The following MMD variants were observed in gnomAD, a reference collection of about 807,000 sequenced individuals.
MMD encodes the protein monocyte to macrophage differentiation factor.
Under a neutral mutation model 33.6 loss-of-function variants are expected in MMD, and 22 were observed. That is an observed-to-expected ratio of 0.66 (90% confidence interval 0.47 to 0.94). The LOEUF (loss-of-function observed/expected upper bound fraction) is 0.94, where lower values mean the gene tolerates loss of function less well. MMD is among the 40% of genes least tolerant of loss of function. The pLI is 0.00. For missense variants in MMD, 242 were observed against 309.8 expected (o/e 0.78, Z 1.64); for synonymous variants, 97 against 103.2 (o/e 0.94, Z 0.36).
chr17:55,399,859 T>A (rs1907258303), intron 6 of MMD, among the ~76,000 whole-genome samples: 1 of 152,216 alleles, frequency 6.6e-6, no homozygotes, highest in East Asian at 1.9e-4. Context: ...CTTATGGAAA[T>A]GTCAATTTCA....
intron 4 of MMD, among the ~76,000 whole-genome samples, chr17:55,405,001 G>A (rs574515880): frequency 1.3e-5 from 2 of 152,122 alleles, no homozygotes; most frequent in African/African-American, 2.4e-5. Flanking sequence ...GGTAGAGGTT[G>A]CAGTGAGCTG....
chr17:55,411,531 C>G (rs1231228628), intron 2 of MMD, 114 bp from the exon 3 acceptor site: 1 of 1,242,384 alleles, frequency 8.0e-7, no homozygotes, highest in African/African-American at 1.5e-5. Context: ...AATCTTAGAG[C>G]AAGTATTTGT....
At chr17:55,404,913 T>A (rs1485931131) in intron 4 of MMD, 2 of 217,312 alleles carry the variant, frequency 9.2e-6, no homozygotes, top group Non-Finnish European at 1.6e-5. Context: ...AATACAAAAG[T>A]TAGCTGGGCA....
chr17:55,411,540 G>T, intron 2 of MMD, 123 bp from the exon 3 acceptor site: 3 of 1,177,200 alleles, frequency 2.5e-6, no homozygotes, highest in Non-Finnish European at 3.5e-6. Context: ...GCAAGTATTT[G>T]TCTCTCCTGG....
At chr17:55,407,865 A>G in intron 3 of MMD, 45 bp from the exon 4 acceptor site, 1 of 1,406,314 alleles carries the variant, frequency 7.1e-7, no homozygotes, top group Non-Finnish European at 9.7e-7. Context: ...AAGTGTTCAG[A>G]TGGGAAGTAC....
intron 1 of MMD, among the ~76,000 whole-genome samples, chr17:55,417,448 A>G (rs1294461703): frequency 6.6e-6 from 1 of 151,888 alleles, no homozygotes; most frequent in East Asian, 1.9e-4. Context: ...TTCCTGCTTG[A>G]CCCAGTACAG....
Position 55,394,497 on chromosome 17 carries a change from C to G in MMD, c.554G>C (p.Gly185Ala). The G allele has an allele frequency of 6.5e-7, 1 of 1,528,244 alleles. No homozygotes were observed. The highest frequency in any genetic ancestry group is 8.8e-7 in the Non-Finnish European group (1 of 1,142,158). The allele number at this position is 1,528,244 out of a possible 1,614,324, so 94.7% of individuals were successfully genotyped here. A position where few individuals can be genotyped will look rare whatever the true frequency, so the allele number is the denominator to read the frequency against. ...CACAACTCCCAAGCAATAAATTAAG[C>G]CCCCACAGGCAAGTTCCTGAAGTCC... Reference protein sequence around the residue: ...TDGLQELACGGLIYCLGVVFF... With the variant: ...TDGLQELACGALIYCLGVVFF... Residue 185 changes from glycine (G) to alanine (A), a missense_variant, in exon 7 of 7, where the codon GGC becomes GCC. By Grantham distance (60) the Gly-to-Ala change is moderately conservative. Transcript: ENST00000262065.
chr17:55,415,237 A>G (rs1444963669), intron 1 of MMD, among the ~76,000 whole-genome samples: 1 of 152,098 alleles, frequency 6.6e-6, no homozygotes, highest in Non-Finnish European at 1.5e-5. Flanking sequence ...CTGTCTGAAT[A>G]AAAGAAGAAA....
intron 1 of MMD, among the ~76,000 whole-genome samples, chr17:55,414,833 C>T (rs1037974997): frequency 9.2e-5 from 14 of 152,284 alleles, no homozygotes; most frequent in African/African-American, 3.4e-4. Flanking sequence ...CTCTAGGCAA[C>T]TTAAAACCGG....
Position 55,401,521 on chromosome 17 carries a change from A to C in MMD, c.464T>G (p.Leu155Arg), listed in dbSNP as rs766241995. The C allele has an allele frequency of 6.2e-7, 1 of 1,612,418 alleles. No individual in the cohort carries two copies. Among genetic ancestry groups the C allele is most frequent in the Non-Finnish European group, 8.5e-7 (1 of 1,179,316 alleles). ...LYHEKYKVVE[L>R]FFYLTMGFSP... is the part of the protein sequence containing the mutation. ...GAATCCCATTGTGAGATAGAAAAAG[A>C]GTTCAACCACCTTATATCTGCAGGA... Residue 155 changes from leucine (L) to arginine (R), a missense_variant, in exon 6 of 7, where the codon CTC becomes CGC. Coordinates refer to ENST00000262065, the MANE Select transcript of MMD (RefSeq NM_012329.3).
At chr17:55,406,263 C>A (rs113594848) in intron 4 of MMD, among the ~76,000 whole-genome samples, 8,065 of 152,170 alleles carry the variant, frequency 0.053, 269 homozygotes, top group South Asian at 0.13. Context: ...GGCATGGTGG[C>A]ACATGCCTGT....
intron 5 of MMD, among the ~76,000 whole-genome samples, chr17:55,403,516 G>C (rs1907426107): frequency 6.6e-6 from 1 of 152,060 alleles, no homozygotes; most frequent in Non-Finnish European, 1.5e-5. Context: ...AAGTCTGATG[G>C]ACTCCAAAGG....
intron 4 of MMD, among the ~76,000 whole-genome samples, chr17:55,404,248 G>A (rs1055351838): frequency 3.3e-5 from 5 of 152,040 alleles, no homozygotes; most frequent in Admixed American, 6.6e-5. Flanking sequence ...CAAGTTGCTC[G>A]GGAGGCTGAG....
rs148486266 is a variant in MMD at position 55,408,056 on chromosome 17, T to C, written c.270-236A>G. On this transcript the variant is annotated intron_variant, in intron 3 of 6. Coordinates refer to ENST00000262065, the MANE Select transcript of MMD (RefSeq NM_012329.3). ...AGATTCTCTCAGCATATATAAGACATAGGGACAGGGCCCCATGATAGTTAG... is the reference window on the plus strand; with the variant it reads ...AGATTCTCTCAGCATATATAAGACACAGGGACAGGGCCCCATGATAGTTAG... 1.2e-4 allele frequency among the ~76,000 whole-genome samples: 19 copies of C among 152,318 alleles called. No homozygotes were observed. In the East Asian group the frequency reaches 3.5e-3, roughly 28 times the overall value.
At chr17:55,410,420 T>A (rs906618865) in intron 3 of MMD, among the ~76,000 whole-genome samples, 2 of 152,248 alleles carry the variant, frequency 1.3e-5, no homozygotes, top group African/African-American at 4.8e-5. Context: ...ACTTCCTTTT[T>A]TGAAAAGAAG....
In MMD at chr17:55,407,893, T is replaced by C. The variant is rs190209161; in HGVS notation, c.270-73A>G. The C allele has an allele frequency of 3.6e-5, 38 of 1,044,774 alleles. No homozygotes were observed. The African/African-American group carries it at 5.6e-4, about 15-fold the overall frequency. 64.7% of individuals were successfully genotyped at this position (1,044,774 alleles called of 1,614,324 possible). A position where few individuals can be genotyped will look rare whatever the true frequency, so the allele number is the denominator to read the frequency against. ...GGAAGTACGGGTTATCACTCCACTATGTTGCAATTTCCATTCTTGTTCTAG... is the reference window on the plus strand; with the variant it reads ...GGAAGTACGGGTTATCACTCCACTACGTTGCAATTTCCATTCTTGTTCTAG... On this transcript the variant is annotated intron_variant, in intron 3 of 6. Transcript: ENST00000262065.
chr17:55,413,497 A>G (rs904643420), intron 2 of MMD, among the ~76,000 whole-genome samples: 2 of 152,154 alleles, frequency 1.3e-5, no homozygotes, highest in African/African-American at 4.8e-5. Context: ...ACACACACAC[A>G]AAGAAATGCA....
rs903757617 is a variant in MMD, at chr17:55,394,007, C to G, written c.*327G>C. The G allele has an allele frequency of 1.2e-5, 2 of 172,742 alleles. No homozygotes were observed. The highest frequency in any genetic ancestry group is 2.4e-5 in the Non-Finnish European group (2 of 82,048). The allele number at this position is 172,742 out of a possible 1,614,324, so 10.7% of individuals were successfully genotyped here. On this transcript the variant is annotated 3_prime_UTR_variant, in exon 7 of 7. Transcript: ENST00000262065. ...TTTGTTATTGCACTGACTTTTACAA[C>G]CTGACATAGTAATTTAGAAAAATCA... is the stretch of plus-strand genomic sequence containing the variant.
At chr17:55,408,152 C>T (rs979149420) in intron 3 of MMD, among the ~76,000 whole-genome samples, 3 of 152,100 alleles carry the variant, frequency 2.0e-5, no homozygotes, top group Non-Finnish European at 4.4e-5. Context: ...CTTTTGGATC[C>T]CCTCTAACAG....
Sources: allele counts gnomAD v4.1 joint callset (sites outside exome capture counted in the v4.1 genomes callset), GRCh38; gene constraint gnomAD v4.1.1; transcripts MANE v1.5; gene names NCBI Gene and HGNC (gene_info 2026-07-23, HGNC 2026-07-21).